DGKG: variants seen among roughly 807,000 people sequenced by gnomAD.
DGKG encodes the protein diacylglycerol kinase gamma, also known as DAG kinase gamma.
A neutral mutation model predicts 105.3 loss-of-function variants in DGKG; 78 were observed. That is an observed-to-expected ratio of 0.74 (90% confidence interval 0.62 to 0.89). The LOEUF is 0.89. Among genes scored for constraint, DGKG ranks in the 40% least tolerant of loss-of-function variants. The probability of loss-of-function intolerance (pLI) is 0.00; values close to 1 mark genes in which losing one functional copy is unlikely to be tolerated. For synonymous variants in DGKG, 346 were observed against 367.1 expected (o/e 0.94, Z 0.66); for missense variants, 958 against 1,020.1 (o/e 0.94, Z 0.83).
chr3:186,148,029 T>C lies in DGKG; in HGVS notation c.*2061A>G, dbSNP rs1004040898. 2.0e-6 allele frequency: 2 copies of C among 985,344 alleles called. No homozygotes were observed. The highest frequency in any genetic ancestry group is 1.2e-4 in the Admixed American group (2 of 16,276). The allele number at this position is 985,344 out of a possible 1,614,324, so 61.0% of individuals were successfully genotyped here. A position where few individuals can be genotyped will look rare whatever the true frequency, so the allele number is the denominator to read the frequency against. ...TTAAGTGCCATTTGTACACACAATC[T>C]TAATATTCCCTTCTTTGTCCAAAGC... is the stretch of plus-strand genomic sequence containing the variant. On this transcript the variant is annotated 3_prime_UTR_variant, in exon 25 of 25. Transcript: ENST00000265022.
intron 22 of DGKG, among the ~76,000 whole-genome samples, chr3:186,187,309 G>A (rs554617173): frequency 2.0e-5 from 3 of 152,364 alleles, no homozygotes; most frequent in African/African-American, 4.8e-5. Context: ...GTGGTGAGAC[G>A]TGGTTGAATC....
At chr3:186,165,063 T>A (rs373419699) in intron 22 of DGKG, 45 bp from the exon 23 acceptor site, 96 of 1,580,400 alleles carry the variant, frequency 6.1e-5, no homozygotes, top group Non-Finnish European at 6.9e-5. Flanking sequence ...ATCTCTGTGT[T>A]CCTCAGACAA....
At chr3:186,274,209 A>T (rs1722467668) in intron 10 of DGKG, among the ~76,000 whole-genome samples, 1 of 152,028 alleles carries the variant, frequency 6.6e-6, no homozygotes, top group African/African-American at 2.4e-5. Flanking sequence ...TGTTTTTGAG[A>T]CAGGGTTTCA....
rs932029204 is a variant in DGKG, at chr3:186,251,999, G to T, written c.1601-80C>A. 9 of 1,391,044 alleles carry T rather than the reference G, an allele frequency of 6.5e-6. No homozygotes were observed. In the Admixed American group the frequency reaches 2.2e-4, roughly 33 times the overall value. The allele number at this position is 1,391,044 out of a possible 1,614,324, so 86.2% of individuals were successfully genotyped here. On this transcript the variant is annotated intron_variant, in intron 18 of 24. Coordinates refer to ENST00000265022, the MANE Select transcript of DGKG (RefSeq NM_001346.3). ...AATGCACAGGTAGTTGTCAGGGCAG[G>T]TAAGCCCAGGGCATCTGTGACTATG...
chr3:186,164,013 C>A (rs1374250776), intron 23 of DGKG, among the ~76,000 whole-genome samples: 1 of 152,174 alleles, frequency 6.6e-6, no homozygotes, highest in Non-Finnish European at 1.5e-5. Flanking sequence ...TAAGAGACCT[C>A]AGGGAATCCG....
At chr3:186,179,528 T>C (rs9861201) in intron 22 of DGKG, among the ~76,000 whole-genome samples, 15,909 of 152,184 alleles carry the variant, frequency 0.1, 911 homozygotes, top group East Asian at 0.22. Flanking sequence ...CATTTCCTTA[T>C]CCAGGGAACA....
chr3:186,274,438 G>A (rs912858515), intron 10 of DGKG, among the ~76,000 whole-genome samples: 2 of 151,846 alleles, frequency 1.3e-5, no homozygotes, highest in Admixed American at 6.6e-5. Context: ...TGCACAATGT[G>A]CAGGTTTGTT....
At chr3:186,287,654 T>C (rs1410893234) in intron 6 of DGKG, among the ~76,000 whole-genome samples, 1 of 152,254 alleles carries the variant, frequency 6.6e-6, no homozygotes, top group Non-Finnish European at 1.5e-5. Context: ...GTTTCACTTT[T>C]AACATTAGCT....
At chr3:186,299,838 T>TCTC (rs1560142060) in intron 3 of DGKG, among the ~76,000 whole-genome samples, 2 of 83,698 alleles carry the variant, frequency 2.4e-5, no homozygotes, top group African/African-American at 1.1e-4. Context: ...TCTTTCTTTC[T>TCTC]TTTTTTTTTT....
chr3:186,166,998 C>T (rs1716579435), intron 22 of DGKG, among the ~76,000 whole-genome samples: 1 of 152,112 alleles, frequency 6.6e-6, no homozygotes, highest in Non-Finnish European at 1.5e-5. Context: ...ACAAATTTTC[C>T]CGTTGAATGG....
At position 186,148,944 on chromosome 3, in the gene DGKG, T is replaced by C. The variant is rs58692821; in HGVS notation, c.*1146A>G. ...TTTTTTTCCAATGAGGAAAAGTCCATCAGTAAATAAATATTTATATATATA... is the reference window on the plus strand; with the variant it reads ...TTTTTTTCCAATGAGGAAAAGTCCACCAGTAAATAAATATTTATATATATA... On this transcript the variant is annotated 3_prime_UTR_variant, in exon 25 of 25. Coordinates refer to ENST00000265022, the MANE Select transcript of DGKG (RefSeq NM_001346.3). 145,630 of 879,352 alleles carry C rather than the reference T, an allele frequency of 0.17. 13,919 individuals carry two copies. Among genetic ancestry groups the C allele is most frequent in the East Asian group, 0.58 (4,737 of 8,120 alleles). 54.5% of individuals were successfully genotyped at this position (879,352 alleles called of 1,614,324 possible).
intron 1 of DGKG, among the ~76,000 whole-genome samples, chr3:186,356,735 G>T (rs1229827989): frequency 6.6e-6 from 1 of 152,172 alleles, no homozygotes; most frequent in Non-Finnish European, 1.5e-5. Flanking sequence ...ATGAGGTAGG[G>T]TGGAGCAGTG....
intron 1 of DGKG, among the ~76,000 whole-genome samples, chr3:186,335,174 C>T (rs1384477729): frequency 2.0e-5 from 3 of 152,208 alleles, no homozygotes; most frequent in Non-Finnish European, 2.9e-5. Context: ...TGGATTCAAG[C>T]GATTCTCCTG....
At chr3:186,260,336 C>T (rs907518256) in intron 16 of DGKG, 103 bp downstream of exon 16, 3 of 822,702 alleles carry the variant, frequency 3.6e-6, no homozygotes, top group African/African-American at 1.7e-5. Context: ...CAGGAAGGAA[C>T]AAGTTGAGAG....
chr3:186,316,808 T>G (rs1452881491), intron 2 of DGKG, among the ~76,000 whole-genome samples: 1 of 152,234 alleles, frequency 6.6e-6, no homozygotes, highest in East Asian at 1.9e-4. Flanking sequence ...GTACACTTCA[T>G]TATTTTGTTA....
At chr3:186,173,387 C>T (rs1716921907) in intron 22 of DGKG, among the ~76,000 whole-genome samples, 1 of 152,256 alleles carries the variant, frequency 6.6e-6, no homozygotes, top group Non-Finnish European at 1.5e-5. Flanking sequence ...CTGACAAGCG[C>T]TGGGTGTGTG....
At chr3:186,318,475 C>T (rs945602247) in intron 2 of DGKG, among the ~76,000 whole-genome samples, 1 of 152,190 alleles carries the variant, frequency 6.6e-6, no homozygotes, top group Non-Finnish European at 1.5e-5. Context: ...CAACCGTGCC[C>T]TAAACCTCAA....
At chr3:186,229,104 A>T (rs1264514252) in intron 20 of DGKG, among the ~76,000 whole-genome samples, 1 of 152,146 alleles carries the variant, frequency 6.6e-6, no homozygotes, top group African/African-American at 2.4e-5. Flanking sequence ...GGAGGCAAAG[A>T]TTTGCGTGAC....
At chr3:186,261,650 T>C (rs1468806218) in intron 15 of DGKG, 49 bp downstream of exon 15, 3 of 1,347,786 alleles carry the variant, frequency 2.2e-6, no homozygotes, top group East Asian at 4.8e-5. Flanking sequence ...AGGAAGGGCC[T>C]GAGTCGTGTC....
Sources: gnomAD v4.1 joint callset for allele counts (sites outside exome capture counted in the v4.1 genomes callset) on GRCh38, gnomAD v4.1.1 for gene constraint, MANE v1.5 for transcripts, NCBI Gene and HGNC (gene_info 2026-07-23, HGNC 2026-07-21) for gene names.